Variants in KLHL41 observed in about 807,000 individuals in gnomAD.
KLHL41 encodes kelch like family member 41.
A neutral mutation model predicts 49.2 loss-of-function variants in KLHL41; 31 were observed. The ratio of observed to expected loss-of-function variants is 0.63; its 90% CI spans 0.47 to 0.85. The LOEUF (loss-of-function observed/expected upper bound fraction) is 0.85. Ranked by LOEUF, KLHL41 falls within the 40% of genes least tolerant of loss-of-function variation. The pLI is 0.00. For missense variants in KLHL41, 663 were observed against 726.7 expected (o/e 0.91, Z 1.01); for synonymous variants, 218 against 258.5 (o/e 0.84, Z 1.50).
rs1214996904 is a variant in KLHL41, at chr2:169,510,810, A to G, written c.1032A>G (p.Gln344=). 4 of 1,614,004 alleles carry G rather than the reference A, an allele frequency of 2.5e-6. No homozygotes were observed. Among genetic ancestry groups the G allele is most frequent in the Non-Finnish European group, 3.4e-6 (4 of 1,180,006 alleles). Residue 344 remains glutamine (Q), a synonymous_variant, in exon 1 of 6, where the codon CAA becomes CAG. Coordinates refer to ENST00000284669, the MANE Select transcript of KLHL41 (RefSeq NM_006063.3). This position sits in a 1 kb window ranked among gnomAD's most constrained non-coding sequence, Gnocchi z 4.2. ...PRNHSSIVTQ[Q]NQIYVVGGLY... ...ATCATTCCAGCATTGTTACCCAGCAAAATCAGATATATGTGGTAGGAGGAC... is the reference window on the plus strand; with the variant it reads ...ATCATTCCAGCATTGTTACCCAGCAGAATCAGATATATGTGGTAGGAGGAC...
Position 169,525,625 on chromosome 2 carries a change from G to A in KLHL41, c.1750G>A (p.Glu584Lys). Residue 584 changes from glutamate to lysine, a missense_variant, in exon 6 of 6, where the codon GAA (glutamate) becomes AAA (lysine). Glu to Lys is a moderately conservative substitution (Grantham distance 56). This residue lies in a region of KLHL41 where 528 missense variants were observed against 581.0 expected (regional missense o/e 0.91). Transcript: ENST00000284669. ...DKKEWAGMLK[E>K]IRYASGASCL... ...AAAAGAATGGGCTGGGATGTTGAAG[G>A]AAATACGTTATGCTTCAGGAGCTAG... 2.5e-6 allele frequency: 4 copies of A among 1,613,572 alleles called. No homozygotes were observed. Among genetic ancestry groups the A allele is most frequent in the Non-Finnish European group, 3.4e-6 (4 of 1,179,532 alleles).
In KLHL41 at chr2:169,520,939, T is replaced by C. The variant is rs550333896; in HGVS notation, c.1641T>C (p.Ile547=). 4.3e-6 allele frequency: 7 copies of C among 1,613,922 alleles called. No individual in the cohort carries two copies. In the Admixed American group the frequency reaches 1.0e-4, roughly 23 times the overall value. The change falls in exon 5 of 6, where the codon ATT becomes ATC. Residue 547 remains isoleucine, a synonymous_variant. Coordinates refer to ENST00000284669, the MANE Select transcript of KLHL41 (RefSeq NM_006063.3). The stretch of plus-strand genomic sequence containing the variant: ...GCCTGGCTGGATCTCTGTATGCAAT[T>C]GGTGGTTTTGCTATGATTCAACTGG... ...LVSLAGSLYA[I]GGFAMIQLES... is the part of the protein sequence containing the mutation.
chr2:169,514,495 T>C (rs1038019846), intron 1 of KLHL41, 79 bp from the exon 2 acceptor site: 26 of 1,197,062 alleles, frequency 2.2e-5, no homozygotes, highest in African/African-American at 9.1e-5. Flanking sequence ...CTAAACAACA[T>C]ATAAAGTATA....
At chr2:169,521,550 G>A (rs959643321) in intron 5 of KLHL41, among the ~76,000 whole-genome samples, 2 of 151,680 alleles carry the variant, frequency 1.3e-5, no homozygotes, top group Non-Finnish European at 2.9e-5. Flanking sequence ...TATCCACCAC[G>A]CCCAGCTAAT....
At chr2:169,523,617 A>G (rs549277644) in intron 5 of KLHL41, among the ~76,000 whole-genome samples, 19 of 152,236 alleles carry the variant, frequency 1.2e-4, no homozygotes, top group African/African-American at 4.3e-4. Context: ...CACCCTTCAT[A>G]CCAATTAACT....
At chr2:169,518,551 G>GTCT (rs2105311288) in intron 4 of KLHL41, among the ~76,000 whole-genome samples, 176 bp downstream of exon 4, 1 of 152,252 alleles carries the variant, frequency 6.6e-6, no homozygotes, top group Non-Finnish European at 1.5e-5. Context: ...TGTAAATCTT[G>GTCT]TCTAACATTC....
chr2:169,524,295 C>T (rs1156400325), intron 5 of KLHL41, among the ~76,000 whole-genome samples: 1 of 151,530 alleles, frequency 6.6e-6, no homozygotes, highest in Non-Finnish European at 1.5e-5. Flanking sequence ...GTGCATGGTA[C>T]AATTATTGAG....
At chr2:169,513,014 A>G (rs1303486409) in intron 1 of KLHL41, among the ~76,000 whole-genome samples, 1 of 152,160 alleles carries the variant, frequency 6.6e-6, no homozygotes, top group African/African-American at 2.4e-5. Context: ...GAACTCAGAG[A>G]AGTTAAATAG....
chr2:169,521,748 C>A (rs181425405), intron 5 of KLHL41, among the ~76,000 whole-genome samples: 1 of 152,246 alleles, frequency 6.6e-6, no homozygotes, highest in Admixed American at 6.5e-5. Context: ...TGTTTTCAAT[C>A]TAATTTAAAC....
chr2:169,516,943 C>T (rs1684121853), intron 3 of KLHL41, among the ~76,000 whole-genome samples: 1 of 152,256 alleles, frequency 6.6e-6, no homozygotes, highest in South Asian at 2.1e-4. Flanking sequence ...ATCACTTGAA[C>T]CCGGGAGACA....
rs539952337 is a variant in KLHL41 at position 169,510,077 on chromosome 2, A to G, written c.299A>G (p.Asp100Gly). ...YLYSASIDLN[D>G]GNVQDIFALA... is the part of the protein sequence containing the mutation. ...TACTCTGCCAGTATTGATCTCAATG[A>G]CGGAAATGTGCAAGATATTTTTGCA... Residue 100 changes from aspartate (D) to glycine (G), a missense_variant, in exon 1 of 6, where the codon GAC becomes GGC. By Grantham distance (94) the Asp-to-Gly change is moderately conservative. Around this residue, in one of 3 missense-constraint regions of KLHL41, gnomAD observed 129 missense variants for 122.1 expected, o/e 1.06. Transcript: ENST00000284669. The surrounding 1 kb of genome is among the most constrained non-coding windows in gnomAD (Gnocchi z 4.2). 5 of 1,614,044 alleles carry G rather than the reference A, an allele frequency of 3.1e-6. No homozygotes were observed. Among genetic ancestry groups the G allele is most frequent in the Non-Finnish European group, 4.2e-6 (5 of 1,180,042 alleles).
intron 4 of KLHL41, among the ~76,000 whole-genome samples, chr2:169,520,489 T>G (rs1684187552): frequency 6.6e-6 from 1 of 151,624 alleles, no homozygotes; most frequent in Non-Finnish European, 1.5e-5. Flanking sequence ...TCTCGCTCTG[T>G]TGCCCAGGCT....
chr2:169,525,458 G>A (rs988578169), intron 5 of KLHL41, 127 bp from the exon 6 acceptor site: 21 of 625,568 alleles, frequency 3.4e-5, no homozygotes, highest in Non-Finnish European at 5.7e-5. Flanking sequence ...TGTTCTACCA[G>A]GCAGGTGCAT....
rs1222075249 is a variant in KLHL41 at position 169,509,875 on chromosome 2, A to T, written c.97A>T (p.Ile33Phe). The stretch of plus-strand genomic sequence containing the variant: ...AGATCTCCTGGATGAGAAAAAATTC[A>T]TCGATTGCACCCTAAAAGCAGGTGA... ...LKDLLDEKKF[I>F]DCTLKAGDKS... The change falls in exon 1 of 6, where the codon ATC (isoleucine) becomes TTC (phenylalanine). Residue 33 changes from isoleucine to phenylalanine, a missense_variant. Transcript: ENST00000284669. 6.2e-7 allele frequency: 1 copy of T among 1,614,188 alleles called. No homozygotes were observed. Among genetic ancestry groups the T allele is most frequent in the Admixed American group, 1.7e-5 (1 of 60,026 alleles).
At position 169,520,321 on chromosome 2, in the gene KLHL41, T is replaced by G. The variant is rs570377669; in HGVS notation, c.1563-540T>G. 1.1e-4 allele frequency among the ~76,000 whole-genome samples: 16 copies of G among 148,506 alleles called. No individual in the cohort carries two copies. In the East Asian group the frequency reaches 3.3e-3, roughly 30 times the overall value. ...GTGTGTGTGTGTGTGTATGTGTGTGTGTGTGTGTGGAGGCAGTCCATTTTG... is the reference window on the plus strand; with the variant it reads ...GTGTGTGTGTGTGTGTATGTGTGTGGGTGTGTGTGGAGGCAGTCCATTTTG... On this transcript the variant is annotated intron_variant, in intron 4 of 5. Coordinates refer to ENST00000284669, the MANE Select transcript of KLHL41 (RefSeq NM_006063.3).
chr2:169,522,518 G>A (rs1289226867), intron 5 of KLHL41, among the ~76,000 whole-genome samples: 3 of 151,948 alleles, frequency 2.0e-5, no homozygotes, highest in Non-Finnish European at 4.4e-5. Context: ...GAAGGTTAGG[G>A]TTTTTTGGAA....
At chr2:169,523,264 G>T (rs922243558) in intron 5 of KLHL41, among the ~76,000 whole-genome samples, 1 of 152,168 alleles carries the variant, frequency 6.6e-6, no homozygotes, top group Non-Finnish European at 1.5e-5. Context: ...TTTATTTTGC[G>T]ATTAGAGCAG....
rs926434897 is a variant in KLHL41 at position 169,526,239 on chromosome 2, T to TAA, written c.*546_*547dup. On this transcript the variant is annotated 3_prime_UTR_variant, in exon 6 of 6. Transcript: ENST00000284669. ...TTGATGGGGAAAAGTCTCTTGTAAGTAAAAGTAGTCAAATTCAAATGGCCT... is the reference window on the plus strand; with the variant it reads ...TTGATGGGGAAAAGTCTCTTGTAAGTAAAAAAGTAGTCAAATTCAAATGGCCT... 1.3e-5 allele frequency: 2 copies of TAA among 152,250 alleles called. No individual in the cohort carries two copies. Among genetic ancestry groups the TAA allele is most frequent in the African/African-American group, 2.4e-5 (1 of 41,480 alleles). 9.4% of individuals were successfully genotyped at this position (152,250 alleles called of 1,614,324 possible). A position where few individuals can be genotyped will look rare whatever the true frequency, so the allele number is the denominator to read the frequency against.
chr2:169,518,169 C>G (rs1358199004), intron 3 of KLHL41, 21 bp from the exon 4 acceptor site: 1 of 1,589,116 alleles, frequency 6.3e-7, no homozygotes, highest in South Asian at 1.1e-5. Context: ...CTAAAAGGAA[C>G]ATTTGTTTTT....
Sources: allele counts gnomAD v4.1 joint callset (sites outside exome capture counted in the v4.1 genomes callset), GRCh38; gene constraint gnomAD v4.1.1; regional missense constraint gnomAD v4.1.1; non-coding constraint Gnocchi (gnomAD v3.1); transcripts MANE v1.5; gene names NCBI Gene and HGNC (gene_info 2026-07-23, HGNC 2026-07-21).